Variants in PKD2 observed in about 807,000 individuals in gnomAD.
The protein encoded by PKD2 is polycystin 2, transient receptor potential cation channel, also known as polycystin-2.
A neutral mutation model predicts 105.9 loss-of-function variants in PKD2; 48 were observed. The ratio of observed to expected loss-of-function variants is 0.45; its 90% CI spans 0.36 to 0.58. The LOEUF is 0.58. Among genes scored for constraint, PKD2 ranks in the 20% least tolerant of loss-of-function variants. PKD2 has a pLI of 0.00. For synonymous variants in PKD2, 464 were observed against 481.1 expected (o/e 0.96, Z 0.46); for missense variants, 1,078 against 1,255.3 (o/e 0.86, Z 2.13).
chr4:88,060,396 T>G (rs1344496027), intron 9 of PKD2, among the ~76,000 whole-genome samples: 7 of 151,698 alleles, frequency 4.6e-5, no homozygotes, highest in Admixed American at 1.3e-4. Context: ...TTCTCATTTG[T>G]TCATTTCTCA....
intron 6 of PKD2, among the ~76,000 whole-genome samples, 196 bp from the exon 7 acceptor site, chr4:88,051,793 AAT>A (rs1720112921): frequency 6.6e-6 from 1 of 152,228 alleles, no homozygotes; most frequent in Admixed American, 6.5e-5. Flanking sequence ...AAATGCAAGC[AAT>A]ATACTGTTTT....
intron 2 of PKD2, among the ~76,000 whole-genome samples, chr4:88,030,160 G>T (rs972349405): frequency 1.3e-5 from 2 of 152,084 alleles, no homozygotes; most frequent in African/African-American, 4.8e-5. Flanking sequence ...ATTTATTTAT[G>T]TATTTATTTG....
chr4:88,038,332 A>G lies in PKD2; in HGVS notation c.925A>G (p.Ile309Val). 1 of 1,614,058 alleles carries G rather than the reference A, an allele frequency of 6.2e-7. No individual in the cohort carries two copies. Among genetic ancestry groups the G allele is most frequent in the Non-Finnish European group, 8.5e-7 (1 of 1,179,916 alleles). ...GACTGAAGCTGACAACCGAAGTTTC[A>G]TCTTCTATGAGAACCTGCTGTTAGG... is the stretch of plus-strand genomic sequence containing the variant. ...NQTEADNRSF[I>V]FYENLLLGVP... Residue 309 changes from isoleucine (I) to valine (V), a missense_variant, in exon 4 of 15, where the codon ATC becomes GTC. By Grantham distance (29) the Ile-to-Val change is conservative (BLOSUM62 3). Around this residue, in one of 2 missense-constraint regions of PKD2, gnomAD observed 868 missense variants for 1,067.3 expected, o/e 0.81. Coordinates refer to ENST00000237596, the MANE Select transcript of PKD2 (RefSeq NM_000297.4).
chr4:88,025,431 G>A (rs1358351657), intron 2 of PKD2, among the ~76,000 whole-genome samples: 2 of 151,208 alleles, frequency 1.3e-5, no homozygotes, highest in Non-Finnish European at 2.9e-5. Flanking sequence ...GCTACACAGT[G>A]AGACCTTGTG....
intron 9 of PKD2, 37 bp from the exon 10 acceptor site, chr4:88,061,869 T>G (rs746917756): frequency 1.0e-6 from 1 of 955,150 alleles, no homozygotes; most frequent in Non-Finnish European, 1.7e-6. Context: ...ATTATGTTTC[T>G]TCCTTTAATT....
At chr4:88,024,687 A>G (rs1047080184) in intron 2 of PKD2, among the ~76,000 whole-genome samples, 2 of 152,160 alleles carry the variant, frequency 1.3e-5, no homozygotes, top group Non-Finnish European at 2.9e-5. Flanking sequence ...GAAACATAAT[A>G]TTTCTGTATG....
intron 6 of PKD2, among the ~76,000 whole-genome samples, chr4:88,049,816 A>T (rs953158743): frequency 2.0e-5 from 3 of 152,050 alleles, no homozygotes; most frequent in African/African-American, 7.2e-5. Flanking sequence ...TCTTTCCCCA[A>T]CATATGTTCT....
chr4:88,070,291 C>T (rs1461313988), intron 13 of PKD2, among the ~76,000 whole-genome samples: 1 of 151,996 alleles, frequency 6.6e-6, no homozygotes, highest in Non-Finnish European at 1.5e-5. Context: ...ATTATTTTTA[C>T]TGTGATATGT....
chr4:88,061,252 T>C (rs1720559938), intron 9 of PKD2, among the ~76,000 whole-genome samples: 1 of 152,220 alleles, frequency 6.6e-6, no homozygotes, highest in African/African-American at 2.4e-5. Flanking sequence ...TAAAAGTTTC[T>C]AAATATAGAG....
At chr4:88,062,114 G>A (rs1038871567) in intron 10 of PKD2, 110 bp downstream of exon 10, 30 of 697,780 alleles carry the variant, frequency 4.3e-5, no homozygotes, top group Non-Finnish European at 6.7e-5. Context: ...TTGAAATAAA[G>A]AATACATTGC....
At chr4:88,024,859 G>T (rs1367946653) in intron 2 of PKD2, among the ~76,000 whole-genome samples, 1 of 152,180 alleles carries the variant, frequency 6.6e-6, no homozygotes, top group African/African-American at 2.4e-5. Context: ...AATAGGCCAA[G>T]CACAGTGGCT....
chr4:88,065,608 T>C (rs1026333353), intron 11 of PKD2, 113 bp downstream of exon 11: 15 of 1,187,560 alleles, frequency 1.3e-5, no homozygotes, highest in Middle Eastern at 2.0e-4. Context: ...TTTTTTTTTT[T>C]CCAGAGGCAG....
At chr4:88,066,017 G>A (rs1008651093) in intron 12 of PKD2, 138 bp downstream of exon 12, 8 of 709,308 alleles carry the variant, frequency 1.1e-5, no homozygotes, top group Non-Finnish European at 2.1e-5. Context: ...GTCGGTTTAT[G>A]TGTTAGTACC....
At chr4:88,036,665 A>G (rs559737414) in intron 3 of PKD2, among the ~76,000 whole-genome samples, 9 of 152,332 alleles carry the variant, frequency 5.9e-5, no homozygotes, top group African/African-American at 1.9e-4. Flanking sequence ...GAGATTCAGG[A>G]TGTTTAAATG....
intron 13 of PKD2, among the ~76,000 whole-genome samples, chr4:88,073,079 G>A (rs1349815226): frequency 7.7e-5 from 11 of 143,440 alleles, no homozygotes; most frequent in African/African-American, 2.8e-4. Flanking sequence ...GGCTGGGCAT[G>A]GTGGCTCATG....
At position 88,075,776 on chromosome 4, in the gene PKD2, G is replaced by A; in HGVS notation, c.*82G>A. On this transcript the variant is annotated 3_prime_UTR_variant, in exon 15 of 15. Transcript: ENST00000237596. ...GCTGTAACAAGCACACTATTTATAT[G>A]CCCTGACCACCATAGGATGCTAGTC... The A allele has an allele frequency of 1.1e-6, 1 of 917,396 alleles. No individual in the cohort carries two copies. The highest frequency in any genetic ancestry group is 2.4e-5 in the East Asian group (1 of 41,850). The allele number at this position is 917,396 out of a possible 1,614,324, so 56.8% of individuals were successfully genotyped here.
chr4:88,073,749 G>T (rs1721126998), intron 13 of PKD2, among the ~76,000 whole-genome samples: 1 of 152,106 alleles, frequency 6.6e-6, no homozygotes, highest in South Asian at 2.1e-4. Context: ...AAATTTAGTA[G>T]ATTTTCTTGA....
At chr4:88,065,110 A>G (rs1560625881) in intron 10 of PKD2, among the ~76,000 whole-genome samples, 1 of 152,172 alleles carries the variant, frequency 6.6e-6, no homozygotes, top group Non-Finnish European at 1.5e-5. Context: ...TTTTGTTTCT[A>G]TCACATAAAC....
In PKD2 at chr4:88,043,427, A is replaced by G. The variant is rs1727653559; in HGVS notation, c.1289A>G (p.Asn430Ser). ...RATFIDFSVY[N>S]ANINLFCVVR... ...ACTTTTATTGACTTCTCAGTGTACAACGCCAACATTAACCTGTTCTGTGTG... is the reference window on the plus strand; with the variant it reads ...ACTTTTATTGACTTCTCAGTGTACAGCGCCAACATTAACCTGTTCTGTGTG... The change falls in exon 5 of 15, where the codon AAC becomes AGC. Residue 430 changes from asparagine (N) to serine (S), a missense_variant. By Grantham distance (46) the Asn-to-Ser change is conservative. This residue lies in a region of PKD2 where 868 missense variants were observed against 1,067.3 expected (regional missense o/e 0.81). Transcript: ENST00000237596. The G allele has an allele frequency of 1.9e-6, 3 of 1,613,470 alleles. No individual in the cohort carries two copies. The highest frequency in any genetic ancestry group is 2.7e-5 in the African/African-American group (2 of 74,918).
Sources: gnomAD v4.1 joint callset for allele counts (sites outside exome capture counted in the v4.1 genomes callset) on GRCh38, gnomAD v4.1.1 for gene constraint, gnomAD v4.1.1 regional missense constraint, MANE v1.5 for transcripts, NCBI Gene and HGNC (gene_info 2026-07-23, HGNC 2026-07-21) for gene names.